The following LRFN5 variants were observed in gnomAD, a reference collection of about 807,000 sequenced individuals.
LRFN5 encodes the protein leucine rich repeat and fibronectin type III domain containing 5.
Under a neutral mutation model 45.6 loss-of-function variants are expected in LRFN5, and 24 were observed. The observed-to-expected ratio is 0.53, with a 90% CI of 0.38 to 0.74. The LOEUF (loss-of-function observed/expected upper bound fraction) is 0.74. Among genes scored for constraint, LRFN5 ranks in the 30% least tolerant of loss-of-function variants. The pLI is 0.00. For synonymous variants in LRFN5, 340 were observed against 313.8 expected, an observed-to-expected ratio of 1.08 and a Z score of -0.88; for missense variants, 776 against 861.5, an observed-to-expected ratio of 0.90 and a Z score of 1.24.
intron 1 of LRFN5, among the ~76,000 whole-genome samples, chr14:41,687,045 T>G (rs1882153649): frequency 6.6e-6 from 1 of 152,186 alleles, no homozygotes; most frequent in Non-Finnish European, 1.5e-5. Context: ...TACCAGCACA[T>G]GAGAGTGAAC....
At chr14:41,903,196 A>G (rs1034097657) in intron 5 of LRFN5, among the ~76,000 whole-genome samples, 11 of 151,326 alleles carry the variant, frequency 7.3e-5, no homozygotes, top group African/African-American at 2.7e-4. Flanking sequence ...ATTTTACCTA[A>G]CTTCACATAA....
chr14:41,634,575 T>TACACCATCTGGATAGACATAG (rs1409634616), intron 1 of LRFN5, among the ~76,000 whole-genome samples: 4 of 152,192 alleles, frequency 2.6e-5, no homozygotes, highest in African/African-American at 9.6e-5. Context: ...TCATCCCTGA[T>TACACCATCTGGATAGACATAG]ACACCATCTG....
chr14:41,648,610 T>C (rs1199397307), intron 1 of LRFN5, among the ~76,000 whole-genome samples: 1 of 152,174 alleles, frequency 6.6e-6, no homozygotes, highest in Non-Finnish European at 1.5e-5. Context: ...TGTAAGTATT[T>C]CTGAGAGAAA....
At chr14:41,701,444 T>A (rs549187679) in intron 1 of LRFN5, 1 of 152,206 alleles carries the variant, frequency 6.6e-6, no homozygotes, top group Non-Finnish European at 1.5e-5. Flanking sequence ...TGGGCAGATG[T>A]TACAAAAGAT....
At chr14:41,704,244 T>G (rs1882955164) in intron 1 of LRFN5, among the ~76,000 whole-genome samples, 1 of 152,092 alleles carries the variant, frequency 6.6e-6, no homozygotes, top group South Asian at 2.1e-4. Flanking sequence ...AGAGCTGTAG[T>G]TGGGGAATTA....
intron 1 of LRFN5, among the ~76,000 whole-genome samples, chr14:41,638,164 A>G (rs1394146173): frequency 6.6e-6 from 1 of 152,090 alleles, no homozygotes; most frequent in Non-Finnish European, 1.5e-5. Flanking sequence ...CATAGAAATT[A>G]TGTACCCTGA....
At chr14:41,840,848 G>C (rs1888834113) in intron 2 of LRFN5, among the ~76,000 whole-genome samples, 1 of 151,916 alleles carries the variant, frequency 6.6e-6, no homozygotes, top group African/African-American at 2.4e-5. Context: ...GTATAAACCT[G>C]AGATAGAATT....
intron 2 of LRFN5, among the ~76,000 whole-genome samples, chr14:41,802,074 G>A (rs1887355023): frequency 6.6e-6 from 1 of 152,142 alleles, no homozygotes; most frequent in African/African-American, 2.4e-5. Context: ...GCGTCTTTCT[G>A]TCCCTTTTGA....
chr14:41,731,580 A>G (rs1446034215), intron 1 of LRFN5, among the ~76,000 whole-genome samples: 1 of 152,130 alleles, frequency 6.6e-6, no homozygotes, highest in Non-Finnish European at 1.5e-5. Context: ...ATAGATCTGT[A>G]TGGAGTTCCA....
chr14:41,680,598 A>G (rs372423015), intron 1 of LRFN5, among the ~76,000 whole-genome samples: 16 of 152,284 alleles, frequency 1.1e-4, no homozygotes, highest in African/African-American at 3.8e-4. Flanking sequence ...GCAGTGACCA[A>G]AAGCTTGGAT....
chr14:41,781,780 T>C (rs1347441245), intron 2 of LRFN5, among the ~76,000 whole-genome samples: 1 of 152,068 alleles, frequency 6.6e-6, no homozygotes, highest in African/African-American at 2.4e-5. Context: ...TATTTCTTTT[T>C]ACTTTTTGGA....
intron 1 of LRFN5, among the ~76,000 whole-genome samples, chr14:41,680,746 C>T (rs139885857): frequency 5.6e-4 from 85 of 152,090 alleles, no homozygotes; most frequent in Admixed American, 1.2e-3. Context: ...TCCTGGAAAA[C>T]GTGACCTCAC....
intron 1 of LRFN5, among the ~76,000 whole-genome samples, chr14:41,754,968 T>C (rs1382082640): frequency 6.6e-6 from 1 of 152,186 alleles, no homozygotes; most frequent in Non-Finnish European, 1.5e-5. Context: ...TGTTGTGTCT[T>C]TGTTCTCGTT....
chr14:41,762,221 C>A (rs764706824), intron 1 of LRFN5, among the ~76,000 whole-genome samples: 4 of 149,708 alleles, frequency 2.7e-5, no homozygotes. Context: ...TAGTTGTTAA[C>A]AAGATATTAC....
At chr14:41,838,840 G>A (rs186378839) in intron 2 of LRFN5, among the ~76,000 whole-genome samples, 52 of 152,214 alleles carry the variant, frequency 3.4e-4, no homozygotes, top group African/African-American at 1.2e-3. Flanking sequence ...GGCCATGAAT[G>A]TGTGGTTATT....
intron 1 of LRFN5, among the ~76,000 whole-genome samples, chr14:41,667,189 G>T (rs1340559029): frequency 6.6e-6 from 1 of 152,138 alleles, no homozygotes; most frequent in Admixed American, 6.6e-5. Context: ...AGAGAAGAAT[G>T]TTTATGGCTT....
chr14:41,614,971 CAGA>C (rs910360339), intron 1 of LRFN5, among the ~76,000 whole-genome samples: 2 of 151,954 alleles, frequency 1.3e-5, no homozygotes, highest in African/African-American at 4.8e-5. Context: ...AGGAACCAGG[CAGA>C]AGATGTAAAG....
intron 1 of LRFN5, among the ~76,000 whole-genome samples, chr14:41,637,085 C>T (rs1268498443): frequency 6.6e-6 from 1 of 152,144 alleles, no homozygotes; most frequent in South Asian, 2.1e-4. Flanking sequence ...CTGTGTCAGG[C>T]AGCTTCTCCC....
chr14:41,725,624 T>G (rs1412474473), intron 1 of LRFN5, among the ~76,000 whole-genome samples: 1 of 152,186 alleles, frequency 6.6e-6, no homozygotes, highest in African/African-American at 2.4e-5. Context: ...CAAATCTGTT[T>G]GTTAGGAGTT....
Sources: gnomAD v4.1 joint callset for allele counts (sites outside exome capture counted in the v4.1 genomes callset) on GRCh38, gnomAD v4.1.1 for gene constraint, MANE v1.5 for transcripts, NCBI Gene and HGNC (gene_info 2026-07-23, HGNC 2026-07-21) for gene names.